DOCK7: variants seen among roughly 807,000 people sequenced by gnomAD.
DOCK7 encodes the protein dedicator of cytokinesis protein 7.
A neutral mutation model predicts 271.0 loss-of-function variants in DOCK7; 138 were observed. The observed-to-expected ratio is 0.51, with a 90% CI of 0.44 to 0.59. DOCK7 has a LOEUF of 0.59. Among genes scored for constraint, DOCK7 ranks in the 20% least tolerant of loss-of-function variants. The pLI is 0.00. For missense variants in DOCK7, 2,066 were observed against 2,592.4 expected (o/e 0.80, Z 4.41); for synonymous variants, 823 against 876.1 (o/e 0.94, Z 1.07).
intron 1 of DOCK7, among the ~76,000 whole-genome samples, chr1:62,678,052 C>T (rs558427660): frequency 2.4e-4 from 36 of 152,232 alleles, no homozygotes; most frequent in African/African-American, 8.7e-4. Flanking sequence ...AGCTTGAGCC[C>T]AGGAGTTCAA....
intron 14 of DOCK7, among the ~76,000 whole-genome samples, chr1:62,595,548 A>G (rs888176012): frequency 1.3e-5 from 2 of 152,166 alleles, no homozygotes; most frequent in African/African-American, 4.8e-5. Context: ...TACTGCCTCT[A>G]CTGTAACTAT....
chr1:62,537,786 C>T, intron 28 of DOCK7, 105 bp downstream of exon 28: 1 of 1,021,078 alleles, frequency 9.8e-7, no homozygotes, highest in Non-Finnish European at 1.4e-6. Context: ...AAGAACTGAG[C>T]CTATCATACA....
In DOCK7 at chr1:62,485,453, AT is replaced by A. The variant is rs373934688; in HGVS notation, c.5508+1944del. On this transcript the variant is annotated intron_variant, in intron 43 of 49. Coordinates refer to ENST00000635253, the MANE Select transcript of DOCK7 (RefSeq NM_001367561.1). ...ACATGTGACTAATATATAAGCCCAG[AT>A]GGGGTTTTCCTGTAAGTTGGGGAGC... is the stretch of plus-strand genomic sequence containing the variant. 1.1e-3 allele frequency: 1,106 copies of A among 985,414 alleles called. 3 individuals carry two copies. In the African/African-American group the frequency reaches 0.017, roughly 15 times the overall value. 61.0% of individuals were successfully genotyped at this position (985,414 alleles called of 1,614,324 possible).
intron 1 of DOCK7, among the ~76,000 whole-genome samples, chr1:62,684,638 C>A (rs1661532068): frequency 6.6e-6 from 1 of 152,164 alleles, no homozygotes; most frequent in Non-Finnish European, 1.5e-5. Flanking sequence ...TGCTGAGTAT[C>A]AAGCAACAGG....
At chr1:62,598,753 CA>C (rs1649668389) in intron 14 of DOCK7, 8 of 1,611,018 alleles carry the variant, frequency 5.0e-6, no homozygotes, top group Non-Finnish European at 6.8e-6. Flanking sequence ...CGTGGAAGAC[CA>C]ATATAAACAA....
intron 4 of DOCK7, 85 bp downstream of exon 4, chr1:62,653,640 G>A: frequency 1.2e-6 from 1 of 839,044 alleles, no homozygotes; most frequent in Non-Finnish European, 1.9e-6. Flanking sequence ...AAATTTTCAG[G>A]TCTCATAAAC....
In DOCK7 at chr1:62,633,484, G is replaced by A; in HGVS notation, c.1116+14C>T. On this transcript the variant is annotated intron_variant, in intron 10 of 49. Transcript: ENST00000635253. ...AGTAATAATGTGGCGGAAATGAGAA[G>A]CATAACATTCTACCTTGGTGGCATC... The A allele has an allele frequency of 6.3e-7, 1 of 1,581,314 alleles. No homozygotes were observed. Among genetic ancestry groups the A allele is most frequent in the South Asian group, 1.1e-5 (1 of 89,590 alleles).
intron 1 of DOCK7, among the ~76,000 whole-genome samples, chr1:62,676,976 T>C (rs749683622): frequency 6.6e-6 from 1 of 152,228 alleles, no homozygotes; most frequent in African/African-American, 2.4e-5. Context: ...CTGGTTTTCC[T>C]TGAATGTCTT....
intron 16 of DOCK7, among the ~76,000 whole-genome samples, chr1:62,581,346 G>C (rs1369193133): frequency 6.6e-6 from 1 of 152,124 alleles, no homozygotes; most frequent in Non-Finnish European, 1.5e-5. Flanking sequence ...ACAGATGATT[G>C]AATATTAGAG....
intron 48 of DOCK7, 62 bp downstream of exon 48, chr1:62,473,920 T>C: frequency 7.2e-7 from 1 of 1,380,502 alleles, no homozygotes; most frequent in African/African-American, 1.4e-5. Context: ...AAGGCCCTTA[T>C]GTCATACTGT....
chr1:62,655,597 G>T (rs1366957149), intron 2 of DOCK7, among the ~76,000 whole-genome samples: 2 of 151,736 alleles, frequency 1.3e-5, no homozygotes, highest in African/African-American at 2.4e-5. Flanking sequence ...ACTAATTTTT[G>T]TGTTTTTTTG....
At position 62,454,755 on chromosome 1, in the gene DOCK7, G is replaced by C. The variant is rs1645301762; in HGVS notation, c.*659C>G. 6.4e-6 allele frequency: 1 copy of C among 155,050 alleles called. No homozygotes were observed. Among genetic ancestry groups the C allele is most frequent in the African/African-American group, 2.4e-5 (1 of 41,542 alleles). The allele number at this position is 155,050 out of a possible 1,614,324, so 9.6% of individuals were successfully genotyped here. On this transcript the variant is annotated 3_prime_UTR_variant, in exon 50 of 50. Coordinates refer to ENST00000635253, the MANE Select transcript of DOCK7 (RefSeq NM_001367561.1). The stretch of plus-strand genomic sequence containing the variant: ...TGTAATAAGATTTAATCAAGTTAAG[G>C]TGTTGTCACTGGTATTAGTTATCCC...
intron 14 of DOCK7, chr1:62,601,671 A>G: frequency 1.2e-6 from 1 of 860,708 alleles, no homozygotes; most frequent in Admixed American, 2.0e-5. Flanking sequence ...AAAATGCTAC[A>G]TTTGCCACAA....
chr1:62,529,541 A>G (rs1645114268), intron 29 of DOCK7, 95 bp from the exon 30 acceptor site: 2 of 974,840 alleles, frequency 2.1e-6, no homozygotes, highest in Admixed American at 3.2e-5. Context: ...GGTATTGAAT[A>G]AATTTTGTTC....
At chr1:62,642,055 T>TATATATAAGTATATATAAG (rs1656095651) in intron 7 of DOCK7, among the ~76,000 whole-genome samples, 1 of 152,048 alleles carries the variant, frequency 6.6e-6, no homozygotes, top group South Asian at 2.1e-4. Flanking sequence ...TTTATACTTA[T>TATATATAAGTATATATAAG]TCTTAAGACT....
At chr1:62,666,977 A>G (rs576085374) in intron 1 of DOCK7, among the ~76,000 whole-genome samples, 50 of 152,252 alleles carry the variant, frequency 3.3e-4, no homozygotes, top group Non-Finnish European at 5.4e-4. Flanking sequence ...CACAAAAGAA[A>G]GCATCCGCTC....
At chr1:62,487,163 C>T in intron 43 of DOCK7, 1 of 349,798 alleles carries the variant, frequency 2.9e-6, no homozygotes, top group Non-Finnish European at 5.3e-6. Flanking sequence ...GCTCATTTAC[C>T]AAAGAATCTC....
intron 1 of DOCK7, 116 bp downstream of exon 1, chr1:62,688,111 C>T: frequency 8.6e-7 from 1 of 1,159,588 alleles, no homozygotes; most frequent in Non-Finnish European, 1.1e-6. Context: ...CGAGCCAGGC[C>T]GCGGGATCCC....
rs1196526388 is a variant in DOCK7 at position 62,681,492 on chromosome 1, A to G, written c.38+6735T>C. Among the ~76,000 whole-genome samples the G allele has an allele frequency of 4.6e-5, 7 of 151,726 alleles. No individual in the cohort carries two copies. In the East Asian group the frequency reaches 1.2e-3, roughly 25 times the overall value. Reference sequence around the variant, plus strand: ...TGGCGCATGTATACATATGTAACAAACCTGCACGTTATGCACATGTACCGT... The same window carrying G: ...TGGCGCATGTATACATATGTAACAAGCCTGCACGTTATGCACATGTACCGT... On this transcript the variant is annotated intron_variant, in intron 1 of 49. Transcript: ENST00000635253.
Sources: gnomAD v4.1 joint callset for allele counts (sites outside exome capture counted in the v4.1 genomes callset) on GRCh38, gnomAD v4.1.1 for gene constraint, MANE v1.5 for transcripts, NCBI Gene and HGNC (gene_info 2026-07-23, HGNC 2026-07-21) for gene names.